DOCK3: variants seen among roughly 807,000 people sequenced by gnomAD.
DOCK3 encodes dedicator of cytokinesis 3.
Under a neutral mutation model 265.6 loss-of-function variants are expected in DOCK3, and 60 were observed. The ratio of observed to expected loss-of-function variants is 0.23; its 90% confidence interval spans 0.18 to 0.28. The LOEUF is 0.28. Among genes scored for constraint, DOCK3 ranks in the 10% least tolerant of loss-of-function variants. The probability of loss-of-function intolerance (pLI) is 1.00; values close to 1 mark genes in which losing one functional copy is unlikely to be tolerated. For synonymous variants in DOCK3, 881 were observed against 938.0 expected, an observed-to-expected ratio of 0.94 and a Z score of 1.11; for missense variants, 1,981 against 2,594.3, an observed-to-expected ratio of 0.76 and a Z score of 5.14.
rs2088599187 is a variant in DOCK3, at chr3:51,381,113, T to A, written c.5647T>A (p.Ser1883Thr). 6.2e-7 allele frequency: 1 copy of A among 1,613,602 alleles called. No homozygotes were observed. The highest frequency in any genetic ancestry group is 1.7e-5 in the Admixed American group (1 of 59,990). The change falls in exon 53 of 53, where the codon TCT becomes ACT. Residue 1883 changes from serine (S) to threonine (T), a missense_variant. Physicochemically the swap from Ser to Thr is moderately conservative, Grantham distance 58 (BLOSUM62 1). Around this residue, in one of 4 missense-constraint regions of DOCK3, gnomAD observed 1,357 missense variants for 1,866.8 expected, o/e 0.73. Transcript: ENST00000266037. This position sits in a 1 kb window ranked among gnomAD's most constrained non-coding sequence, Gnocchi z 5.6. ...SPQSGLDGSN[S>T]TLSGSASSGV... The stretch of plus-strand genomic sequence containing the variant: ...CCAGTCAGGTCTGGACGGCAGCAAC[T>A]CTACGCTGTCCGGCAGTGCCAGCAG...
chr3:50,975,596 A>G (rs993916763), intron 5 of DOCK3, among the ~76,000 whole-genome samples: 1 of 149,994 alleles, frequency 6.7e-6, no homozygotes, highest in Non-Finnish European at 1.5e-5. Flanking sequence ...ATTGGCCTAA[A>G]ATTCTCTTTT....
intron 5 of DOCK3, among the ~76,000 whole-genome samples, chr3:50,968,092 T>G (rs910224468): frequency 6.6e-6 from 1 of 152,248 alleles, no homozygotes; most frequent in East Asian, 1.9e-4. Context: ...CATTATAGTT[T>G]TGATTTGCAT....
intron 51 of DOCK3, chr3:51,379,508 T>C: frequency 2.0e-6 from 2 of 985,458 alleles, no homozygotes; most frequent in Non-Finnish European, 2.4e-6. Context: ...GGCCCAGCCC[T>C]TCCTGTCTGC....
chr3:50,790,530 C>A (rs1241935104), intron 2 of DOCK3, among the ~76,000 whole-genome samples: 3 of 133,736 alleles, frequency 2.2e-5, no homozygotes, highest in African/African-American at 8.3e-5. Context: ...CAGATTCTTT[C>A]AGCATTTGTT....
chr3:51,006,835 C>T (rs1004823095), intron 5 of DOCK3, among the ~76,000 whole-genome samples: 3 of 152,192 alleles, frequency 2.0e-5, no homozygotes, highest in Non-Finnish European at 2.9e-5. Flanking sequence ...CAGGCGTGCT[C>T]ATTGTTCAAT....
At chr3:51,208,920 A>C (rs1157468208) in intron 13 of DOCK3, 58 bp downstream of exon 13, 2 of 1,498,876 alleles carry the variant, frequency 1.3e-6, no homozygotes, top group African/African-American at 1.4e-5. Flanking sequence ...CTACTCATAC[A>C]GCACTTAGAT....
intron 5 of DOCK3, among the ~76,000 whole-genome samples, chr3:51,056,506 C>T (rs1041563217): frequency 1.3e-5 from 2 of 152,180 alleles, no homozygotes; most frequent in Non-Finnish European, 2.9e-5. Context: ...CCTCAGCTTC[C>T]CAAAGTGCTG....
chr3:51,256,593 G>GTTT (rs74193219), intron 22 of DOCK3, among the ~76,000 whole-genome samples: 3 of 126,776 alleles, frequency 2.4e-5, no homozygotes, highest in Admixed American at 8.1e-5. Context: ...TTTCGTTTTT[G>GTTT]TTTTTTTTTT....
rs1204645799 is a variant in DOCK3, at chr3:51,383,559, C to T, written c.*2000C>T. 1 of 152,322 alleles carries T rather than the reference C, an allele frequency of 6.6e-6. No individual in the cohort carries two copies. The highest frequency in any genetic ancestry group is 1.5e-5 in the Non-Finnish European group (1 of 68,048). The allele number at this position is 152,322 out of a possible 1,614,324, so 9.4% of individuals were successfully genotyped here. On this transcript the variant is annotated 3_prime_UTR_variant, in exon 53 of 53. Coordinates refer to ENST00000266037, the MANE Select transcript of DOCK3 (RefSeq NM_004947.5). ...CATCACATAAGAACAGCTACCTTCT[C>T]CACTTGGTGGCACAAGAGGTAGGGA...
At chr3:50,886,592 TG>T (rs1297379895) in intron 3 of DOCK3, among the ~76,000 whole-genome samples, 7 of 126,452 alleles carry the variant, frequency 5.5e-5, no homozygotes, top group African/African-American at 2.1e-4. Flanking sequence ...CAGAGTGTGA[TG>T]TTCCCCTTCC....
intron 5 of DOCK3, among the ~76,000 whole-genome samples, chr3:50,965,612 A>G (rs1283269462): frequency 3.9e-5 from 6 of 152,082 alleles, no homozygotes; most frequent in East Asian, 1.9e-4. Context: ...TCTGTATATA[A>G]TAACTGTAAT....
intron 2 of DOCK3, among the ~76,000 whole-genome samples, chr3:50,813,378 C>T (rs966777581): frequency 6.6e-6 from 1 of 151,944 alleles, no homozygotes; most frequent in African/African-American, 2.4e-5. Flanking sequence ...TCTACAAAAA[C>T]AAGAATTAGG....
chr3:51,088,547 A>G (rs973955644), intron 7 of DOCK3, among the ~76,000 whole-genome samples: 1 of 152,240 alleles, frequency 6.6e-6, no homozygotes, highest in Non-Finnish European at 1.5e-5. Context: ...TTAAAATATT[A>G]TGTATCAATT....
At chr3:51,038,658 G>T (rs576461278) in intron 5 of DOCK3, among the ~76,000 whole-genome samples, 110 of 152,214 alleles carry the variant, frequency 7.2e-4, no homozygotes, top group African/African-American at 2.6e-3. Context: ...TGATAACTTG[G>T]CATATTGTTT....
intron 9 of DOCK3, among the ~76,000 whole-genome samples, chr3:51,109,546 C>CA (rs570194848): frequency 6.9e-4 from 104 of 151,748 alleles, no homozygotes; most frequent in Middle Eastern, 3.4e-3. Flanking sequence ...GATTGAGACA[C>CA]AAAAAAATTC....
Position 51,263,998 on chromosome 3 carries a change from G to A in DOCK3, c.2355+3672G>A, listed in dbSNP as rs539539479. On this transcript the variant is annotated intron_variant, in intron 23 of 52. Transcript: ENST00000266037. Reference sequence around the variant, plus strand: ...CTTTAACATCCCACTCTCAGTATTAGATCAGTGAGACAGAAAATTGACAAG... The same window carrying A: ...CTTTAACATCCCACTCTCAGTATTAAATCAGTGAGACAGAAAATTGACAAG... Among the ~76,000 whole-genome samples, 4 of 152,272 alleles carry A rather than the reference G, an allele frequency of 2.6e-5. No individual in the cohort carries two copies. In the East Asian group the frequency reaches 7.7e-4, roughly 29 times the overall value.
In DOCK3 at chr3:51,355,160, A is replaced by C. The variant is rs567177877; in HGVS notation, c.4249+137A>C. ...TAGTCCTAAACCTGAGTGTGTCCTC[A>C]TTGCTTAGCACACACTTAGCAAGGC... On this transcript the variant is annotated intron_variant, in intron 41 of 52. Transcript: ENST00000266037. 50 of 1,254,182 alleles carry C rather than the reference A, an allele frequency of 4.0e-5. No homozygotes were observed. In the African/African-American group the frequency reaches 7.2e-4, roughly 18 times the overall value. The allele number at this position is 1,254,182 out of a possible 1,614,324, so 77.7% of individuals were successfully genotyped here. A position where few individuals can be genotyped will look rare whatever the true frequency, so the allele number is the denominator to read the frequency against.
rs1559732307 is a variant in DOCK3 at position 50,858,432 on chromosome 3, A to G, written c.162+16717A>G. On this transcript the variant is annotated intron_variant, in intron 3 of 52. Transcript: ENST00000266037. ...CCCTGTAACTTAAAATATAATAATA[A>G]TAATAATAATAATAATAATAAAAAT... Among the ~76,000 whole-genome samples, 9 of 121,588 alleles carry G rather than the reference A, an allele frequency of 7.4e-5. No homozygotes were observed. The East Asian group carries it at 1.7e-3, about 23-fold the overall frequency. 79.8% of individuals were successfully genotyped at this position (121,588 alleles called of 152,430 possible).
chr3:51,343,416 G>A (rs2085362513), intron 38 of DOCK3, among the ~76,000 whole-genome samples: 1 of 152,178 alleles, frequency 6.6e-6, no homozygotes, highest in South Asian at 2.1e-4. Flanking sequence ...GTCCTCCAGT[G>A]GGATCAAGGC....
Sources: gnomAD v4.1 joint callset for allele counts (sites outside exome capture counted in the v4.1 genomes callset) on GRCh38, gnomAD v4.1.1 for gene constraint, gnomAD v4.1.1 regional missense constraint, Gnocchi (gnomAD v3.1) non-coding constraint, MANE v1.5 for transcripts, NCBI Gene and HGNC (gene_info 2026-07-23, HGNC 2026-07-21) for gene names.